The following CEP68 variants were observed in gnomAD, a reference collection of about 807,000 sequenced individuals.
CEP68 encodes centrosomal protein of 68 kDa.
Under a neutral mutation model 55.3 loss-of-function variants are expected in CEP68, and 26 were observed. The observed-to-expected ratio is 0.47, with a 90% CI of 0.34 to 0.65. CEP68 has a LOEUF of 0.65. Among genes scored for constraint, CEP68 ranks in the 30% least tolerant of loss-of-function variants. The pLI is 0.01. For synonymous variants in CEP68, 402 were observed against 383.2 expected (o/e 1.05, Z -0.57); for missense variants, 957 against 946.7 (o/e 1.01, Z -0.14).
chr2:65,077,552 TAA>T (rs1378893993), intron 4 of CEP68, among the ~76,000 whole-genome samples: 1 of 152,156 alleles, frequency 6.6e-6, no homozygotes, highest in Non-Finnish European at 1.5e-5. Flanking sequence ...AGCCCTGAAT[TAA>T]AAGAGAACCC....
At position 65,072,968 on chromosome 2, in the gene CEP68, G is replaced by A; in HGVS notation, c.1872G>A (p.Val624=). ...GAGAACAGGGAAAAGAATCACTGGTGCAATGTGTGAAGGTAATGACACTCA... is the reference window on the plus strand; with the variant it reads ...GAGAACAGGGAAAAGAATCACTGGTACAATGTGTGAAGGTAATGACACTCA... ...KGGEQGKESL[V]QCVKTFCCQL... Residue 624 remains valine, a synonymous_variant, in exon 3 of 7, where the codon GTG becomes GTA. Coordinates refer to ENST00000377990, the MANE Select transcript of CEP68 (RefSeq NM_015147.3). 1 of 1,614,232 alleles carries A rather than the reference G, an allele frequency of 6.2e-7. No individual in the cohort carries two copies. Among genetic ancestry groups the A allele is most frequent in the Non-Finnish European group, 8.5e-7 (1 of 1,180,036 alleles).
chr2:65,068,656 G>C (rs1435155339), intron 1 of CEP68, among the ~76,000 whole-genome samples: 2 of 152,066 alleles, frequency 1.3e-5, no homozygotes, highest in African/African-American at 4.8e-5. Flanking sequence ...GTGAAACCCT[G>C]TCTCTACTAA....
intron 3 of CEP68, 198 bp from the exon 4 acceptor site, chr2:65,074,084 G>T: frequency 1.8e-6 from 1 of 562,344 alleles, no homozygotes. Flanking sequence ...CATTTTTGAT[G>T]TCACACCAGG....
rs140913107 is a variant in CEP68, at chr2:65,083,796, G to A, written c.*162G>A. 1 of 152,318 alleles carries A rather than the reference G, an allele frequency of 6.6e-6. No homozygotes were observed. Among genetic ancestry groups the A allele is most frequent in the East Asian group, 1.9e-4 (1 of 5,184 alleles). 9.4% of individuals were successfully genotyped at this position (152,318 alleles called of 1,614,324 possible). ...ATGCCTTTCTCCTCCCTGAATGGAG[G>A]GCTGAGTTACTATTTTTATTTACAA... is the stretch of plus-strand genomic sequence containing the variant. On this transcript the variant is annotated 3_prime_UTR_variant, in exon 7 of 7. Coordinates refer to ENST00000377990, the MANE Select transcript of CEP68 (RefSeq NM_015147.3).
rs773300961 is a variant in CEP68 at position 65,082,621 on chromosome 2, C to T, written c.2190C>T (p.Ala730=). The T allele has an allele frequency of 2.5e-6, 4 of 1,612,394 alleles. No homozygotes were observed. Among genetic ancestry groups the T allele is most frequent in the Non-Finnish European group, 3.4e-6 (4 of 1,179,368 alleles). The change falls in exon 6 of 7, where the codon GCC becomes GCT. Residue 730 remains alanine (A), a synonymous_variant. Coordinates refer to ENST00000377990, the MANE Select transcript of CEP68 (RefSeq NM_015147.3). ...HADRLYDSIL[A]SLDMLAGCTL... ...ATCGCCTGTATGACTCTATCTTGGC[C>T]TCTCTGGACATGCTGGCTGGCTGCA... is the stretch of plus-strand genomic sequence containing the variant.
intron 5 of CEP68, among the ~76,000 whole-genome samples, chr2:65,080,090 G>GC (rs1235719348): frequency 6.6e-5 from 10 of 151,244 alleles, no homozygotes; most frequent in Admixed American, 6.6e-4. Flanking sequence ...CTGAGATTGC[G>GC]CCATTGCACT....
rs576833128 is a variant in CEP68 at position 65,077,905 on chromosome 2, C to T, written c.2045C>T (p.Thr682Met). ...KKDIDEHQSL[T>M]ESVLQKGEIL... ...GATATAGATGAACATCAGTCTCTGA[C>T]GGAGAGTGTCTTACAGAAGGGGGAG... Residue 682 changes from threonine to methionine, a missense_variant, in exon 5 of 7, where the codon ACG (threonine) becomes ATG (methionine). Thr to Met is a moderately conservative substitution (Grantham distance 81). Coordinates refer to ENST00000377990, the MANE Select transcript of CEP68 (RefSeq NM_015147.3). 58 of 1,613,904 alleles carry T rather than the reference C, an allele frequency of 3.6e-5. No individual in the cohort carries two copies. Among genetic ancestry groups the T allele is most frequent in the Middle Eastern group, 1.7e-4 (1 of 6,060 alleles).
At chr2:65,074,056 T>G (rs772949669) in intron 3 of CEP68, 6 of 494,694 alleles carry the variant, frequency 1.2e-5, no homozygotes, top group Non-Finnish European at 1.8e-5. Context: ...CCTGCAAGGC[T>G]GGGTTTTCTC....
Position 65,074,352 on chromosome 2 carries a change from C to G in CEP68, c.1955C>G (p.Thr652Ser), listed in dbSNP as rs756558196. ...YNVADVTDHG[T>S]AARSNLTSLK... ...GTTGCAGATGTTACTGACCACGGGA[C>G]TGCAGCCAGGTCCAATCTTACAAGT... is the stretch of plus-strand genomic sequence containing the variant. Residue 652 changes from threonine (T) to serine (S), a missense_variant, in exon 4 of 7, where the codon ACT becomes AGT. By Grantham distance (58) the Thr-to-Ser change is moderately conservative. Transcript: ENST00000377990. 5 of 1,614,180 alleles carry G rather than the reference C, an allele frequency of 3.1e-6. No homozygotes were observed.
In CEP68 at chr2:65,077,830, C is replaced by T. The variant is rs377568170; in HGVS notation, c.2008-38C>T. On this transcript the variant is annotated intron_variant, in intron 4 of 6. Transcript: ENST00000377990. ...AATAACGTTTACAAAACAATAGTAACGAAGCTTCTGCCTTTTCTTTTTCTG... is the reference window on the plus strand; with the variant it reads ...AATAACGTTTACAAAACAATAGTAATGAAGCTTCTGCCTTTTCTTTTTCTG... The T allele has an allele frequency of 1.6e-4, 232 of 1,488,468 alleles. 4 individuals carry two copies. In the South Asian group the frequency reaches 1.7e-3, roughly 11 times the overall value. The allele number at this position is 1,488,468 out of a possible 1,614,324, so 92.2% of individuals were successfully genotyped here.
chr2:65,060,669 C>T (rs1458360651), intron 1 of CEP68, among the ~76,000 whole-genome samples: 4 of 152,312 alleles, frequency 2.6e-5, no homozygotes, highest in African/African-American at 9.6e-5. Flanking sequence ...CTGACAGTGA[C>T]TTTTGTTATA....
chr2:65,066,734 AAAAAAAAAAAAATAT>A (rs1676193702), intron 1 of CEP68, among the ~76,000 whole-genome samples: 1 of 94,110 alleles, frequency 1.1e-5, no homozygotes, highest in Non-Finnish European at 2.1e-5. Context: ...CTCAAAAAAA[AAAAAAAAAAAAATAT>A]ATATATATAT....
intron 1 of CEP68, among the ~76,000 whole-genome samples, chr2:65,058,511 T>C (rs1379300784): frequency 7.2e-6 from 1 of 139,146 alleles, no homozygotes; most frequent in Admixed American, 7.2e-5. Context: ...TTTTTTTTTT[T>C]TTTTTTTTTT....
rs11336018 is a variant in CEP68 at position 65,084,522 on chromosome 2, T to TA, written c.*902dup. ...GGCATTGACACATAAGTACTTTGATTAAAAAAAAAAAAAACTATGGATCAA... is the reference window on the plus strand; with the variant it reads ...GGCATTGACACATAAGTACTTTGATTAAAAAAAAAAAAAAACTATGGATCAA... On this transcript the variant is annotated 3_prime_UTR_variant, in exon 7 of 7. Transcript: ENST00000377990. 0.62 allele frequency: 91,021 copies of TA among 147,228 alleles called. 28,282 individuals are homozygous for TA. The highest frequency in any genetic ancestry group is 0.68 in the Non-Finnish European group (45,551 of 66,720). The allele number at this position is 147,228 out of a possible 1,614,324, so 9.1% of individuals were successfully genotyped here.
Position 65,057,677 on chromosome 2 carries a change from A to G in CEP68, c.-47+1149A>G, listed in dbSNP as rs140852443. ...GATGGAAGGAAGCCAAAAGGAAACAAAATCAGCGTGGTAGTCTAAAGGTGA... is the reference window on the plus strand; with the variant it reads ...GATGGAAGGAAGCCAAAAGGAAACAGAATCAGCGTGGTAGTCTAAAGGTGA... On this transcript the variant is annotated intron_variant, in intron 1 of 6. Transcript: ENST00000377990. Among the ~76,000 whole-genome samples the G allele has an allele frequency of 1.9e-4, 29 of 152,318 alleles. No homozygotes were observed. In the East Asian group the frequency reaches 4.4e-3, roughly 23 times the overall value.
At chr2:65,073,485 T>C (rs1444822386) in intron 3 of CEP68, 3 of 201,052 alleles carry the variant, frequency 1.5e-5, no homozygotes, top group Admixed American at 5.3e-5. Context: ...CCGGACCATC[T>C]TGTGAACCAA....
intron 4 of CEP68, chr2:65,074,776 CA>C (rs71394918): frequency 1.7e-3 from 380 of 227,956 alleles, no homozygotes; most frequent in Middle Eastern, 3.4e-3. Context: ...CCCCCCCCCT[CA>C]AAAAAAAGTT....
At chr2:65,083,565 T>C (rs1439447351) in intron 6 of CEP68, 74 bp from the exon 7 acceptor site, 2 of 152,274 alleles carry the variant, frequency 1.3e-5, no homozygotes, top group East Asian at 1.9e-4. Flanking sequence ...CTAAAATGAA[T>C]GCAGGGGACT....
intron 1 of CEP68, among the ~76,000 whole-genome samples, chr2:65,062,555 G>A (rs1028723495): frequency 6.8e-6 from 1 of 146,594 alleles, no homozygotes. Context: ...AAAAAAAGAG[G>A]CGGGGCGTGA....
Sources: allele counts gnomAD v4.1 joint callset (sites outside exome capture counted in the v4.1 genomes callset), GRCh38; gene constraint gnomAD v4.1.1; transcripts MANE v1.5; gene names NCBI Gene and HGNC (gene_info 2026-07-23, HGNC 2026-07-21).